The following SLC39A14 variants were observed in gnomAD, a reference collection of about 807,000 sequenced individuals.
SLC39A14 encodes solute carrier family 39 member 14.
In SLC39A14, 19 loss-of-function variants were observed where a neutral mutation model predicts 45.5. The ratio of observed to expected loss-of-function variants is 0.42; its 90% confidence interval spans 0.29 to 0.61. SLC39A14 has a LOEUF of 0.61. SLC39A14 is among the 20% of genes least tolerant of loss of function. The pLI, the probability that SLC39A14 is intolerant of heterozygous loss-of-function variation, is 0.22. For synonymous variants in SLC39A14, 264 were observed against 251.3 expected, an observed-to-expected ratio of 1.05 and a Z score of -0.48; for missense variants, 447 against 616.5, an observed-to-expected ratio of 0.73 and a Z score of 2.91.
downstream of SLC39A14, among the ~76,000 whole-genome samples, chr8:22,425,883 G>GTTTTTTTTTTTTTTTTTTTTTTTT (rs72023394): frequency 7.1e-6 from 1 of 140,862 alleles, no homozygotes; most frequent in Non-Finnish European, 1.5e-5. Flanking sequence ...GCTCTAGATG[G>GTTTTTTTTTTTTTTTTTTTTTTTT]TTTTTGTTTT....
At chr8:22,394,554 T>C (rs1197103854) in intron 1 of SLC39A14, among the ~76,000 whole-genome samples, 35 of 149,272 alleles carry the variant, frequency 2.3e-4, no homozygotes, top group East Asian at 1.2e-3. Flanking sequence ...CTCCTGACCT[T>C]GTGATCCGCC....
chr8:22,432,368 A>T (rs1836479037), intron 8 of SLC39A14, among the ~76,000 whole-genome samples: 1 of 146,672 alleles, frequency 6.8e-6, no homozygotes, highest in South Asian at 2.3e-4. Flanking sequence ...GTGAAGATAA[A>T]GAAAAGTGCT....
intron 3 of SLC39A14, chr8:22,410,181 C>T: frequency 6.5e-7 from 1 of 1,548,844 alleles, no homozygotes; most frequent in Non-Finnish European, 8.9e-7. Context: ...CAATCCCCTC[C>T]TCCCCTACCC....
chr8:22,415,623 G>GT, intron 5 of SLC39A14, 146 bp from the exon 6 acceptor site: 1 of 698,740 alleles, frequency 1.4e-6, no homozygotes, highest in Non-Finnish European at 2.3e-6. Flanking sequence ...CTTTTGCTAT[G>GT]TTTCTGGGCA....
At chr8:22,395,701 C>T (rs1834345136) in intron 1 of SLC39A14, among the ~76,000 whole-genome samples, 2 of 152,132 alleles carry the variant, frequency 1.3e-5, no homozygotes, top group East Asian at 1.9e-4. Flanking sequence ...GCTCTCGTCT[C>T]GTGGAACTGA....
intron 1 of SLC39A14, chr8:22,398,674 C>T (rs1387388360): frequency 2.0e-6 from 2 of 976,524 alleles, no homozygotes; most frequent in Non-Finnish European, 2.4e-6. Flanking sequence ...AATGTTTGCT[C>T]CTCTCTGAGA....
In SLC39A14 at chr8:22,404,828, G is replaced by T. The variant is rs746247342; in HGVS notation, c.118G>T (p.Ala40Ser). 6.2e-7 allele frequency: 1 copy of T among 1,614,068 alleles called. No homozygotes were observed. The highest frequency in any genetic ancestry group is 8.5e-7 in the Non-Finnish European group (1 of 1,180,054). ...ASSLGAPAIS[A>S]ASFLQDLIHR... ...ATCCCTGGGTGCACCAGCTATCAGC[G>T]CTGCCTCCTTCCTGCAGGATCTAAT... is the stretch of plus-strand genomic sequence containing the variant. Residue 40 changes from alanine (A) to serine (S), a missense_variant, in exon 2 of 9, where the codon GCT (alanine) becomes TCT (serine). By Grantham distance (99) the Ala-to-Ser change is moderately conservative. Transcript: ENST00000381237.
rs141897207 is a variant in SLC39A14, at chr8:22,429,846, G to A, written c.1333-4045G>A. Among the ~76,000 whole-genome samples, 607 of 152,314 alleles carry A rather than the reference G, an allele frequency of 4.0e-3. 3 individuals are homozygous for A. The highest frequency in any genetic ancestry group is 0.014 in the African/African-American group (576 of 41,562). On this transcript the variant is annotated intron_variant, in intron 8 of 8. Transcript: ENST00000240095. ...CCAAGTGCTACAGATAAATTAACAC[G>A]GGGGAGTGAGGTAGGGAATGGGCAG...
At chr8:22,387,109 G>T (rs1345848161) in intron 1 of SLC39A14, among the ~76,000 whole-genome samples, 20 of 151,702 alleles carry the variant, frequency 1.3e-4, no homozygotes, top group Non-Finnish European at 2.8e-4. Context: ...GGAGGTCAAG[G>T]CTGCAGTGAG....
intron 1 of SLC39A14, among the ~76,000 whole-genome samples, chr8:22,403,849 T>C (rs1390439665): frequency 6.6e-6 from 1 of 151,148 alleles, no homozygotes; most frequent in Non-Finnish European, 1.5e-5. Flanking sequence ...ACCTGGGAGG[T>C]GGAGGTTGCA....
intron 7 of SLC39A14, among the ~76,000 whole-genome samples, chr8:22,416,917 TC>T (rs2132365298): frequency 6.6e-6 from 1 of 152,294 alleles, no homozygotes; most frequent in Admixed American, 6.5e-5. Flanking sequence ...GAGAGGGACT[TC>T]CCATGTGCCA....
intron 8 of SLC39A14, among the ~76,000 whole-genome samples, chr8:22,431,482 A>G (rs7833266): frequency 0.31 from 47,355 of 152,012 alleles, 7,640 homozygotes; most frequent in East Asian, 0.5. Context: ...CTTTCACACA[A>G]CAGTGGAAAC....
At chr8:22,402,642 G>A (rs112952673) in intron 1 of SLC39A14, among the ~76,000 whole-genome samples, 2,378 of 151,652 alleles carry the variant, frequency 0.016, 35 homozygotes, top group Non-Finnish European at 0.024. Flanking sequence ...GGTGGCCAGC[G>A]CCTATAATCC....
At chr8:22,389,994 CT>C in intron 1 of SLC39A14, 1 of 155,828 alleles carries the variant, frequency 6.4e-6, no homozygotes, top group Admixed American at 6.4e-5. Flanking sequence ...CTTGGGCTTC[CT>C]TCTTTTTCTG....
rs181498015 is a variant in SLC39A14 at position 22,387,790 on chromosome 8, G to A, written c.-15-16906G>A. Among the ~76,000 whole-genome samples the A allele has an allele frequency of 1.9e-3, 288 of 152,280 alleles. 1 individual carries two copies. The highest frequency in any genetic ancestry group is 6.6e-3 in the African/African-American group (274 of 41,556). On this transcript the variant is annotated intron_variant, in intron 1 of 8. Coordinates refer to ENST00000381237, the MANE Select transcript of SLC39A14 (RefSeq NM_001128431.4). ...TCCTCCTGCTTCCTTTGTGTCTCTG[G>A]CAGGGAGCTTTAAGAAGACACCTGT...
intron 1 of SLC39A14, among the ~76,000 whole-genome samples, chr8:22,378,676 C>A (rs916005370): frequency 2.0e-5 from 3 of 152,228 alleles, no homozygotes. Context: ...GCCCACTCAA[C>A]GTAATTTCCC....
At chr8:22,398,750 A>C in intron 1 of SLC39A14, 1 of 985,448 alleles carries the variant, frequency 1.0e-6, no homozygotes, top group Non-Finnish European at 1.2e-6. Flanking sequence ...GCAGGACAGA[A>C]GTGCCGCTTC....
intron 1 of SLC39A14, among the ~76,000 whole-genome samples, chr8:22,388,973 G>A (rs1833925562): frequency 6.6e-6 from 1 of 152,166 alleles, no homozygotes; most frequent in Admixed American, 6.5e-5. Context: ...TCAAGATGCA[G>A]CCCCTGCCTT....
rs138399337 is a variant in SLC39A14, at chr8:22,399,318, C to T, written c.-15-5378C>T. Among the ~76,000 whole-genome samples the T allele has an allele frequency of 5.3e-3, 808 of 152,352 alleles. 4 individuals carry two copies. Among genetic ancestry groups the T allele is most frequent in the African/African-American group, 0.019 (775 of 41,576 alleles). On this transcript the variant is annotated intron_variant, in intron 1 of 8. Transcript: ENST00000381237. ...TTTCCTCTCTAATACCTTTTACAAA[C>T]CTTTTCCCCGCTAAGAATAACTTGT...
Sources: gnomAD v4.1 joint callset for allele counts (sites outside exome capture counted in the v4.1 genomes callset) on GRCh38, gnomAD v4.1.1 for gene constraint, MANE v1.5 for transcripts, NCBI Gene and HGNC (gene_info 2026-07-23, HGNC 2026-07-21) for gene names.